Variants in SP3 observed in about 807,000 individuals in gnomAD.
The protein encoded by SP3 is transcription factor Sp3.
Under a neutral mutation model 70.3 loss-of-function variants are expected in SP3, and 10 were observed. That is an observed-to-expected ratio of 0.14 (90% confidence interval 0.09 to 0.24). SP3 has a LOEUF of 0.24. Ranked by LOEUF, SP3 falls within the 10% of genes least tolerant of loss-of-function variation. SP3 has a pLI of 1.00. For synonymous variants in SP3, 402 were observed against 333.5 expected (o/e 1.21, Z -2.24); for missense variants, 825 against 914.6 (o/e 0.90, Z 1.26).
intron 5 of SP3, among the ~76,000 whole-genome samples, chr2:173,917,997 T>G (rs1157413442): frequency 1.3e-5 from 2 of 151,262 alleles, no homozygotes; most frequent in African/African-American, 4.9e-5. Context: ...CTTGTTTTTT[T>G]TTTTAAAAAA....
At chr2:173,941,064 C>G (rs759896302) in intron 4 of SP3, among the ~76,000 whole-genome samples, 1 of 150,316 alleles carries the variant, frequency 6.7e-6, no homozygotes, top group Non-Finnish European at 1.5e-5. Flanking sequence ...TCTTAGAAAA[C>G]CAACCTCCTC....
At chr2:173,946,389 C>T (rs1200848681) in intron 4 of SP3, among the ~76,000 whole-genome samples, 1 of 151,842 alleles carries the variant, frequency 6.6e-6, no homozygotes. Context: ...AGCAATTCTC[C>T]CACCTCAACC....
intron 4 of SP3, among the ~76,000 whole-genome samples, chr2:173,929,330 C>A (rs1221626802): frequency 6.6e-6 from 1 of 152,190 alleles, no homozygotes; most frequent in Admixed American, 6.5e-5. Context: ...TGAAAAAATA[C>A]ACCTGTCCCT....
chr2:173,922,290 GT>G (rs768648740), intron 4 of SP3, among the ~76,000 whole-genome samples: 3,811 of 144,352 alleles, frequency 0.026, 59 homozygotes, highest in Admixed American at 0.034. Context: ...CACTCCCAAG[GT>G]TTTTTTTTTT....
At chr2:173,932,225 T>G (rs1559097882) in intron 4 of SP3, among the ~76,000 whole-genome samples, 1 of 152,210 alleles carries the variant, frequency 6.6e-6, no homozygotes, top group South Asian at 2.1e-4. Context: ...AGAGTTTTGC[T>G]CTTTTGCCCA....
In SP3 at chr2:173,963,865, G is replaced by GCCA. The variant is rs1276434190; in HGVS notation, c.174_175insTGG (p.Pro58_Leu59insTrp). The GCCA allele has an allele frequency of 6.6e-7, 1 of 1,509,806 alleles. No individual in the cohort carries two copies. Among genetic ancestry groups the GCCA allele is most frequent in the Non-Finnish European group, 8.9e-7 (1 of 1,127,272 alleles). 93.5% of individuals were successfully genotyped at this position (1,509,806 alleles called of 1,614,324 possible). On this transcript the variant is annotated inframe_insertion, in exon 3 of 7. Coordinates refer to ENST00000310015, the MANE Select transcript of SP3 (RefSeq NM_003111.5). ...CTGCAGGTAGCGGCCAGCAGAGCGA[G>GCCA]CGGTGACGGCTGAGTGTCCTACCCC...
chr2:173,917,638 A>G (rs987464644), intron 5 of SP3, among the ~76,000 whole-genome samples: 1 of 152,150 alleles, frequency 6.6e-6, no homozygotes, highest in East Asian at 1.9e-4. Context: ...TTATCTACTT[A>G]AACAGTGCAT....
At chr2:173,927,570 A>C (rs1448003892) in intron 4 of SP3, among the ~76,000 whole-genome samples, 1 of 151,982 alleles carries the variant, frequency 6.6e-6, no homozygotes, top group Non-Finnish European at 1.5e-5. Flanking sequence ...GAGCCACCCC[A>C]CCCGACCTAT....
In SP3 at chr2:173,902,500, A is replaced by G. The variant is rs1363461021; in HGVS notation, c.*7441T>C. On this transcript the variant is annotated 3_prime_UTR_variant, in exon 7 of 7. Coordinates refer to ENST00000310015, the MANE Select transcript of SP3 (RefSeq NM_003111.5). Reference sequence around the variant, plus strand: ...GATACATATCTCAAGAAATGCTCACATGTACACAAGGAAATATGTCAATTA... The same window carrying G: ...GATACATATCTCAAGAAATGCTCACGTGTACACAAGGAAATATGTCAATTA... 6.6e-6 allele frequency among the ~76,000 whole-genome samples: 1 copy of G among 152,234 alleles called. No individual in the cohort carries two copies. Among genetic ancestry groups the G allele is most frequent in the African/African-American group, 2.4e-5 (1 of 41,444 alleles).
rs1691216110 is a variant in SP3 at position 173,964,471 on chromosome 2, G to A, written c.90C>T (p.His30=). ...GTTGCTGCTGCTGCAGATACTCGCC[G>A]TGGCCGCCGCCGCCGCCACCGCCGC... ...SGGGGGGGGG[H]GEYLQQQQQH... The change falls in exon 2 of 7, where the codon CAC becomes CAT. Residue 30 remains histidine (H), a synonymous_variant. Transcript: ENST00000310015. The A allele has an allele frequency of 2.8e-6, 2 of 711,646 alleles. No homozygotes were observed. The highest frequency in any genetic ancestry group is 2.8e-5 in the East Asian group (1 of 35,508). The allele number at this position is 711,646 out of a possible 1,614,324, so 44.1% of individuals were successfully genotyped here. A position where few individuals can be genotyped will look rare whatever the true frequency, so the allele number is the denominator to read the frequency against.
intron 4 of SP3, among the ~76,000 whole-genome samples, chr2:173,921,347 G>A (rs1574401715): frequency 6.6e-6 from 1 of 152,266 alleles, no homozygotes; most frequent in South Asian, 2.1e-4. Context: ...TGGCTACGAT[G>A]TGCCAGTCAC....
intron 4 of SP3, among the ~76,000 whole-genome samples, chr2:173,938,154 A>G (rs567567861): frequency 1.3e-5 from 2 of 152,302 alleles, no homozygotes; most frequent in African/African-American, 2.4e-5. Flanking sequence ...CAGAATTGGT[A>G]GAGGTATGAA....
Position 173,907,004 on chromosome 2 carries a change from T to C in SP3, c.*2937A>G, listed in dbSNP as rs1391705576. 6.6e-6 allele frequency: 1 copy of C among 152,212 alleles called. No individual in the cohort carries two copies. The highest frequency in any genetic ancestry group is 1.5e-5 in the Non-Finnish European group (1 of 68,024). 9.4% of individuals were successfully genotyped at this position (152,212 alleles called of 1,614,324 possible). ...AAGTATCTTAAGCATTGCCACTATT[T>C]TGAAAGACCAAAGTTATTTACAGGG... On this transcript the variant is annotated 3_prime_UTR_variant, in exon 7 of 7. Coordinates refer to ENST00000310015, the MANE Select transcript of SP3 (RefSeq NM_003111.5).
At chr2:173,957,903 T>G (rs1313100454) in intron 3 of SP3, among the ~76,000 whole-genome samples, 1 of 152,168 alleles carries the variant, frequency 6.6e-6, no homozygotes, top group Non-Finnish European at 1.5e-5. Flanking sequence ...CATCAGACAT[T>G]AAAGTCACAT....
At chr2:173,930,502 C>T (rs552189098) in intron 4 of SP3, among the ~76,000 whole-genome samples, 2 of 152,218 alleles carry the variant, frequency 1.3e-5, no homozygotes, top group Non-Finnish European at 2.9e-5. Flanking sequence ...TTCATACTTG[C>T]AAACTAACCA....
chr2:173,932,268 T>C (rs1690086707), intron 4 of SP3, among the ~76,000 whole-genome samples: 1 of 152,224 alleles, frequency 6.6e-6, no homozygotes, highest in South Asian at 2.1e-4. Context: ...CTCAGCTCAC[T>C]GCAACATCTG....
chr2:173,936,264 CTG>C lies in SP3; in HGVS notation c.1640-17481_1640-17480del, dbSNP rs1425686675. Among the ~76,000 whole-genome samples, 8 of 152,252 alleles carry C rather than the reference CTG, an allele frequency of 5.3e-5. No individual in the cohort carries two copies. The East Asian group carries it at 1.2e-3, about 22-fold the overall frequency. On this transcript the variant is annotated intron_variant, in intron 4 of 6. Transcript: ENST00000310015. The stretch of plus-strand genomic sequence containing the variant: ...CTGCTCTTGACCTCAGGTGATCCAC[CTG>C]CCTTGGCCTCCTAAAGTGCTGGGAT...
chr2:173,913,477 AAT>A (rs1443605636), intron 5 of SP3: 59 of 347,058 alleles, frequency 1.7e-4, no homozygotes, highest in Middle Eastern at 1.5e-3. Context: ...CTCCAGAATT[AAT>A]GTGATTGTTG....
chr2:173,958,903 C>T (rs1310674587), intron 3 of SP3, among the ~76,000 whole-genome samples: 1 of 151,944 alleles, frequency 6.6e-6, no homozygotes, highest in African/African-American at 2.4e-5. Context: ...GCATAAGAAT[C>T]AGAAGAAAAA....
Sources: allele counts gnomAD v4.1 joint callset (sites outside exome capture counted in the v4.1 genomes callset), GRCh38; gene constraint gnomAD v4.1.1; transcripts MANE v1.5; gene names NCBI Gene and HGNC (gene_info 2026-07-23, HGNC 2026-07-21).